ZFP1: variants seen among roughly 807,000 people sequenced by gnomAD.
ZFP1 encodes the protein zinc finger protein 1 homolog.
ZFP1 carries 32 observed loss-of-function variants against 38.5 expected under a neutral mutation model. The observed-to-expected ratio is 0.83, with a 90% confidence interval of 0.63 to 1.12. The LOEUF (loss-of-function observed/expected upper bound fraction) is 1.12. ZFP1 is among the 50% of genes most tolerant of loss of function. The pLI, the probability that ZFP1 is intolerant of heterozygous loss-of-function variation, is 0.00. For missense variants in ZFP1, 616 were observed against 480.8 expected (o/e 1.28, Z -2.63); for synonymous variants, 245 against 168.8 (o/e 1.45, Z -3.50).
chr16:75,131,268 G>T, the ZFP1 span, among the ~76,000 whole-genome samples: 1 of 152,158 alleles, frequency 6.6e-6, no homozygotes, highest in Non-Finnish European at 1.5e-5. Flanking sequence ...GATGGGGTTG[G>T]GCAGTGGGGC....
chr16:75,166,758 A>G lies in ZFP1; in HGVS notation c.16-12A>G, dbSNP rs749929634. The G allele has an allele frequency of 8.7e-6, 14 of 1,614,018 alleles. No homozygotes were observed. In the African/African-American group the frequency reaches 1.7e-4, roughly 20 times the overall value. On this transcript the variant is annotated splice_polypyrimidine_tract_variant and intron_variant, in intron 2 of 3. Coordinates refer to ENST00000570010, the MANE Select transcript of ZFP1 (RefSeq NM_153688.4). Reference sequence around the variant, plus strand: ...TGATCATCTTAGGATGAATAACAATATGCCATTTCAGGGATCAGTTTCATT... The same window carrying G: ...TGATCATCTTAGGATGAATAACAATGTGCCATTTCAGGGATCAGTTTCATT...
intron 2 of ZFP1, chr16:75,157,043 G>C (rs978823940): frequency 1.3e-5 from 2 of 152,178 alleles, no homozygotes; most frequent in African/African-American, 4.8e-5. Context: ...GGTGTTAGTA[G>C]AGAATCAGTG....
the ZFP1 span, among the ~76,000 whole-genome samples, chr16:75,119,395 C>G: frequency 1.3e-5 from 2 of 149,544 alleles, no homozygotes; most frequent in Non-Finnish European, 3.0e-5. Flanking sequence ...TGTTGTACAA[C>G]TCCTCTTTTT....
chr16:75,136,186 G>T, the ZFP1 span, among the ~76,000 whole-genome samples: 3 of 152,270 alleles, frequency 2.0e-5, no homozygotes, highest in African/African-American at 7.2e-5. Context: ...GGTGGCAAGA[G>T]AATCTAACTT....
At chr16:75,143,921 T>A (rs2036915250), upstream of ZFP1, among the ~76,000 whole-genome samples, 2 of 152,164 alleles carry the variant, frequency 1.3e-5, no homozygotes, top group Non-Finnish European at 2.9e-5. Context: ...CCCAAAGTGC[T>A]GGGATTACAG....
chr16:75,150,646 A>G (rs1397197920), intron 1 of ZFP1, among the ~76,000 whole-genome samples: 2 of 152,078 alleles, frequency 1.3e-5, no homozygotes, highest in African/African-American at 2.4e-5. Flanking sequence ...ATTTTGTTTT[A>G]GTAGACTCCT....
intron 3 of ZFP1, among the ~76,000 whole-genome samples, chr16:75,168,705 T>G (rs1326593174): frequency 6.6e-6 from 1 of 152,126 alleles, no homozygotes; most frequent in African/African-American, 2.4e-5. Context: ...CTATGAGAAG[T>G]GCTGTTCTCT....
chr16:75,140,348 C>G, the ZFP1 span, among the ~76,000 whole-genome samples: 1 of 151,662 alleles, frequency 6.6e-6, no homozygotes, highest in Admixed American at 6.6e-5. Context: ...ACAGGAGGAC[C>G]ACTTGAGCTC....
At chr16:75,161,649 A>T (rs142107992) in intron 2 of ZFP1, among the ~76,000 whole-genome samples, 124 of 148,850 alleles carry the variant, frequency 8.3e-4, no homozygotes, top group African/African-American at 3.0e-3. Flanking sequence ...TTCTCTTTGC[A>T]GCTGGTGTTC....
chr16:75,169,904 AG>A lies in ZFP1; in HGVS notation c.795del (p.Lys266SerfsTer78). 2 of 1,614,228 alleles carry A rather than the reference AG, an allele frequency of 1.2e-6. No individual in the cohort carries two copies. Among genetic ancestry groups the A allele is most frequent in the Non-Finnish European group, 1.7e-6 (2 of 1,180,028 alleles). ...GTACACCAGAGAGCACATATGGAGA[AG>A]AAGCCCTATGAGTGCAGTGAATGTG... The part of the protein sequence containing the change: ...LIVHQRAHME[K>X]KPYECSECGK... On this transcript the variant is annotated frameshift_variant, in exon 4 of 4. Coordinates refer to ENST00000570010, the MANE Select transcript of ZFP1 (RefSeq NM_153688.4). LOFTEE classifies it high-confidence loss of function.
chr16:75,158,076 C>G (rs1316593611), intron 2 of ZFP1, among the ~76,000 whole-genome samples: 1 of 151,772 alleles, frequency 6.6e-6, no homozygotes, highest in East Asian at 1.9e-4. Flanking sequence ...ATGTGAACCA[C>G]CATGCCTGGC....
upstream of ZFP1, chr16:75,144,033 A>G (rs1202918692): frequency 6.6e-6 from 1 of 152,226 alleles, no homozygotes; most frequent in African/African-American, 2.4e-5. Context: ...TGAGCTGGCC[A>G]GGTCAGCAAT....
chr16:75,163,644 C>T (rs554752852), intron 2 of ZFP1, among the ~76,000 whole-genome samples: 2 of 149,458 alleles, frequency 1.3e-5, no homozygotes, highest in African/African-American at 4.9e-5. Flanking sequence ...CAGGGTCTTG[C>T]TGTGTCTCCA....
rs1004843124 is a variant in ZFP1 at position 75,170,952 on chromosome 16, G to T, written c.*618G>T. ...TTGAGCTGCCTCTTAGGAAACAGAAGACAGTGTTGAAGTTTTCCCTGCTTC... is the reference window on the plus strand; with the variant it reads ...TTGAGCTGCCTCTTAGGAAACAGAATACAGTGTTGAAGTTTTCCCTGCTTC... On this transcript the variant is annotated 3_prime_UTR_variant, in exon 4 of 4. Transcript: ENST00000570010. 5.2e-5 allele frequency: 1 copy of T among 19,160 alleles called. No homozygotes were observed. Among genetic ancestry groups the T allele is most frequent in the Admixed American group, 5.1e-4 (1 of 1,968 alleles). 1.2% of individuals were successfully genotyped at this position (19,160 alleles called of 1,614,324 possible).
intron 2 of ZFP1, chr16:75,166,486 C>A (rs2038090047): frequency 1.0e-6 from 1 of 961,466 alleles, no homozygotes; most frequent in Non-Finnish European, 1.2e-6. Context: ...CACCTAGCCT[C>A]CCAAAGTGCT....
upstream of ZFP1, among the ~76,000 whole-genome samples, chr16:75,146,474 T>C (rs887080447): frequency 6.7e-6 from 1 of 149,984 alleles, no homozygotes; most frequent in African/African-American, 2.4e-5. Context: ...GCCGCAACCA[T>C]ACGATTTACC....
At chr16:75,131,893 A>T in the ZFP1 span, among the ~76,000 whole-genome samples, 1 of 151,720 alleles carries the variant, frequency 6.6e-6, no homozygotes, top group East Asian at 1.9e-4. Flanking sequence ...TGAACCCAGG[A>T]GGTGGAGGTT....
chr16:75,149,563 T>TTC (rs2037078141), intron 1 of ZFP1, among the ~76,000 whole-genome samples: 2 of 139,616 alleles, frequency 1.4e-5, no homozygotes, highest in South Asian at 4.8e-4. Context: ...CTTTCTTTTT[T>TTC]TTTTTTTTTT....
At chr16:75,160,296 G>T (rs1424606303) in intron 2 of ZFP1, among the ~76,000 whole-genome samples, 1 of 152,126 alleles carries the variant, frequency 6.6e-6, no homozygotes, top group South Asian at 2.1e-4. Flanking sequence ...ACTTTGAAGG[G>T]CCAAGGTGGG....
Sources: gnomAD v4.1 joint callset for allele counts (sites outside exome capture counted in the v4.1 genomes callset) on GRCh38, gnomAD v4.1.1 for gene constraint, MANE v1.5 for transcripts, NCBI Gene and HGNC (gene_info 2026-07-23, HGNC 2026-07-21) for gene names.